Variants in SCAPER observed in about 807,000 individuals in gnomAD.
The protein encoded by SCAPER is S-phase cyclin A associated protein in the ER.
In SCAPER, 98 loss-of-function variants were observed where a neutral mutation model predicts 182.2. That is an observed-to-expected ratio of 0.54 (90% CI 0.46 to 0.64). SCAPER has a LOEUF of 0.64. SCAPER is among the 30% of genes least tolerant of loss of function. The pLI is 0.00. For synonymous variants in SCAPER, 605 were observed against 564.6 expected, an observed-to-expected ratio of 1.07 and a Z score of -1.01; for missense variants, 1,432 against 1,690.0, an observed-to-expected ratio of 0.85 and a Z score of 2.68.
intron 16 of SCAPER, among the ~76,000 whole-genome samples, chr15:76,730,129 T>A (rs2060833510): frequency 6.6e-6 from 1 of 151,916 alleles, no homozygotes; most frequent in African/African-American, 2.4e-5. Context: ...AGAAAAAAAA[T>A]AACAAAGCAA....
At chr15:76,520,464 C>G (rs926558750) in intron 23 of SCAPER, among the ~76,000 whole-genome samples, 42 of 152,172 alleles carry the variant, frequency 2.8e-4, no homozygotes, top group African/African-American at 1.0e-3. Flanking sequence ...GTGACCCAAC[C>G]ACCTTGACCT....
chr15:76,809,426 C>T (rs1209966072), intron 5 of SCAPER, among the ~76,000 whole-genome samples: 2 of 151,714 alleles, frequency 1.3e-5, no homozygotes, highest in Non-Finnish European at 2.9e-5. Context: ...ACAAAAAGTA[C>T]CAAACAGAGA....
Position 76,546,903 on chromosome 15 carries a change from T to C in SCAPER, c.2838+27255A>G, listed in dbSNP as rs190592108. ...AATGACCTGTTCAATGGTATTCTAT[T>C]CTGTGACAATGCTACAAACTTATCC... On this transcript the variant is annotated intron_variant, in intron 23 of 31. Coordinates refer to ENST00000563290, the MANE Select transcript of SCAPER (RefSeq NM_020843.4). Among the ~76,000 whole-genome samples, 3 of 152,280 alleles carry C rather than the reference T, an allele frequency of 2.0e-5. No individual in the cohort carries two copies. In the East Asian group the frequency reaches 5.8e-4, roughly 29 times the overall value.
chr15:76,505,122 T>G (rs1037325198), intron 23 of SCAPER, 148 bp from the exon 24 acceptor site: 1 of 654,688 alleles, frequency 1.5e-6, no homozygotes, highest in African/African-American at 1.9e-5. Flanking sequence ...TCACTGCTAA[T>G]TGTTTCAGTA....
chr15:76,588,285 T>C, intron 22 of SCAPER, among the ~76,000 whole-genome samples: 1 of 152,182 alleles, frequency 6.6e-6, no homozygotes, highest in South Asian at 2.1e-4. Context: ...CAGTGTTAGG[T>C]GCATATATGT....
At chr15:76,420,571 T>C (rs2045957638) in intron 26 of SCAPER, among the ~76,000 whole-genome samples, 1 of 152,052 alleles carries the variant, frequency 6.6e-6, no homozygotes, top group South Asian at 2.1e-4. Context: ...ATAAGATACC[T>C]AGGAATAAAC....
chr15:76,674,872 T>C (rs1332045521), intron 20 of SCAPER, among the ~76,000 whole-genome samples: 3 of 150,498 alleles, frequency 2.0e-5, no homozygotes, highest in Non-Finnish European at 4.4e-5. Flanking sequence ...ACGCATAAAG[T>C]AACATAAGAA....
intron 1 of SCAPER, among the ~76,000 whole-genome samples, chr15:76,889,947 A>G (rs895683646): frequency 6.6e-6 from 1 of 152,200 alleles, no homozygotes; most frequent in Non-Finnish European, 1.5e-5. Context: ...CAAATGTAAA[A>G]GAAAAGAAAT....
intron 1 of SCAPER, among the ~76,000 whole-genome samples, chr15:76,899,505 C>G (rs1221140243): frequency 6.6e-6 from 1 of 152,246 alleles, no homozygotes; most frequent in Non-Finnish European, 1.5e-5. Flanking sequence ...CTGATCTCGG[C>G]TCACTACAAC....
chr15:76,842,616 A>C (rs928554817), intron 4 of SCAPER, among the ~76,000 whole-genome samples: 2 of 152,200 alleles, frequency 1.3e-5, no homozygotes, highest in African/African-American at 2.4e-5. Flanking sequence ...CAGCAGTATG[A>C]AAACAGACTA....
intron 1 of SCAPER, among the ~76,000 whole-genome samples, chr15:76,885,110 ACT>A (rs2073771421): frequency 6.6e-6 from 1 of 152,150 alleles, no homozygotes; most frequent in Non-Finnish European, 1.5e-5. Flanking sequence ...TGGCTGCAAA[ACT>A]CTGTGAATAT....
intron 24 of SCAPER, among the ~76,000 whole-genome samples, chr15:76,502,196 G>A (rs2041182883): frequency 6.6e-6 from 1 of 152,194 alleles, no homozygotes; most frequent in African/African-American, 2.4e-5. Context: ...ACATGTGTAT[G>A]TGTCTTTACA....
intron 5 of SCAPER, among the ~76,000 whole-genome samples, chr15:76,816,934 G>A (rs1598895491): frequency 6.6e-6 from 1 of 152,300 alleles, no homozygotes; most frequent in African/African-American, 2.4e-5. Flanking sequence ...TTACAGGCGT[G>A]AGCCACCGTG....
At chr15:76,716,417 T>G (rs927809343) in intron 17 of SCAPER, among the ~76,000 whole-genome samples, 1 of 151,834 alleles carries the variant, frequency 6.6e-6, no homozygotes, top group Non-Finnish European at 1.5e-5. Flanking sequence ...CAAGGAAATA[T>G]GAAACCACTA....
chr15:76,842,051 A>G lies in SCAPER; in HGVS notation c.196-120T>C. 3.6e-6 allele frequency: 3 copies of G among 835,696 alleles called. No individual in the cohort carries two copies. The South Asian group carries it at 5.5e-5, about 15-fold the overall frequency. The allele number at this position is 835,696 out of a possible 1,614,324, so 51.8% of individuals were successfully genotyped here. On this transcript the variant is annotated intron_variant, in intron 4 of 31. Coordinates refer to ENST00000563290, the MANE Select transcript of SCAPER (RefSeq NM_020843.4). Reference sequence around the variant, plus strand: ...TACTCCAGAAATAAAAAGCATCTGTACTGAACATGTATGGACTTTTTTCCT... The same window carrying G: ...TACTCCAGAAATAAAAAGCATCTGTGCTGAACATGTATGGACTTTTTTCCT...
chr15:76,500,315 A>G (rs1441521528), intron 24 of SCAPER, among the ~76,000 whole-genome samples: 1 of 152,260 alleles, frequency 6.6e-6, no homozygotes, highest in Admixed American at 6.5e-5. Context: ...TTAGTTCCCC[A>G]GCAGAACAAC....
chr15:76,528,779 T>C (rs2043400205), intron 23 of SCAPER, among the ~76,000 whole-genome samples: 1 of 152,216 alleles, frequency 6.6e-6, no homozygotes, highest in African/African-American at 2.4e-5. Flanking sequence ...CTTCAGTGGC[T>C]CTCACTGTCT....
chr15:76,809,517 G>C (rs2066433299), intron 5 of SCAPER, among the ~76,000 whole-genome samples: 1 of 151,864 alleles, frequency 6.6e-6, no homozygotes, highest in Non-Finnish European at 1.5e-5. Context: ...GCAGAAAAAG[G>C]ATCAGGAACT....
intron 10 of SCAPER, among the ~76,000 whole-genome samples, chr15:76,770,149 A>G (rs1439549023): frequency 1.3e-5 from 2 of 150,618 alleles, no homozygotes; most frequent in Non-Finnish European, 3.0e-5. Flanking sequence ...GTGGGAGTTG[A>G]ACAATGAGAA....
Sources: gnomAD v4.1 joint callset for allele counts (sites outside exome capture counted in the v4.1 genomes callset) on GRCh38, gnomAD v4.1.1 for gene constraint, MANE v1.5 for transcripts, NCBI Gene and HGNC (gene_info 2026-07-23, HGNC 2026-07-21) for gene names.